Variants in ABCG5 observed in about 807,000 individuals in gnomAD.
ABCG5 encodes the protein ATP binding cassette subfamily G member 5.
In ABCG5, 64 loss-of-function variants were observed where a neutral mutation model predicts 64.5. That is an observed-to-expected ratio of 0.99 (90% CI 0.81 to 1.22). ABCG5 has a LOEUF of 1.22. Among genes scored for constraint, ABCG5 ranks in the 50% most tolerant of loss-of-function variants. The pLI, the probability that ABCG5 is intolerant of heterozygous loss-of-function variation, is 0.00. For synonymous variants in ABCG5, 385 were observed against 326.3 expected (o/e 1.18, Z -1.94); for missense variants, 908 against 829.5 (o/e 1.09, Z -1.16).
At chr2:43,834,195 G>A (rs569689041) in intron 2 of ABCG5, among the ~76,000 whole-genome samples, 65 of 152,350 alleles carry the variant, frequency 4.3e-4, no homozygotes, top group Middle Eastern at 3.4e-3. Context: ...CTTTCAAAAT[G>A]TGCCCTGTAA....
Position 43,837,961 on chromosome 2 carries a change from A to G in ABCG5, c.144-6T>C, listed in dbSNP as rs1198287775. 1 of 1,613,780 alleles carries G rather than the reference A, an allele frequency of 6.2e-7. No individual in the cohort carries two copies. Among genetic ancestry groups the G allele is most frequent in the Non-Finnish European group, 8.5e-7 (1 of 1,179,794 alleles). ...ACCAGGGCCTCACGCGGTGGCTTTA[A>G]AGGAAACCCCAGGAAGGCAAAGGCA... On this transcript the variant is annotated splice_region_variant and splice_polypyrimidine_tract_variant and intron_variant, in intron 1 of 12. Coordinates refer to ENST00000405322, the MANE Select transcript of ABCG5 (RefSeq NM_022436.3).
At chr2:43,826,794 C>G (rs1259448147) in intron 5 of ABCG5, among the ~76,000 whole-genome samples, 2 of 152,212 alleles carry the variant, frequency 1.3e-5, no homozygotes, top group Non-Finnish European at 2.9e-5. Flanking sequence ...CATCTGGGCT[C>G]TGCTCAGGGC....
chr2:43,827,399 T>A (rs1437696462), intron 5 of ABCG5, among the ~76,000 whole-genome samples: 1 of 151,644 alleles, frequency 6.6e-6, no homozygotes, highest in African/African-American at 2.4e-5. Context: ...CCAAGCACCA[T>A]TTGAAGAACA....
intron 11 of ABCG5, 73 bp downstream of exon 11, chr2:43,819,842 A>C: frequency 6.6e-7 from 1 of 1,506,216 alleles, no homozygotes; most frequent in South Asian, 1.1e-5. Flanking sequence ...GTATTCCTTT[A>C]CTTCAGTCAT....
chr2:43,827,926 G>T lies in ABCG5; in HGVS notation c.634+57C>A, dbSNP rs1044866452. On this transcript the variant is annotated intron_variant, in intron 5 of 12. Transcript: ENST00000405322. ...CGTGAAGAAAGGGCCCAAAGTATCT[G>T]CACACACACAGAAGATGCCCAGACA... 3 of 1,608,582 alleles carry T rather than the reference G, an allele frequency of 1.9e-6. No homozygotes were observed. The African/African-American group carries it at 4.0e-5, about 21-fold the overall frequency.
chr2:43,819,443 G>A (rs1667045328), intron 11 of ABCG5, among the ~76,000 whole-genome samples: 1 of 150,504 alleles, frequency 6.6e-6, no homozygotes, highest in Non-Finnish European at 1.5e-5. Context: ...TATCCTTTAA[G>A]CCTTGATACT....
Position 43,838,271 on chromosome 2 carries a change from G to C in ABCG5, c.143+266C>G. ...CAGTACCCCCATTCCCATCCACAGA[G>C]GGCAGGCCGTAGACACTGGGTTGGC... On this transcript the variant is annotated intron_variant, in intron 1 of 12. Transcript: ENST00000405322. This position sits in a 1 kb window ranked among gnomAD's most constrained non-coding sequence, Gnocchi z 4.2. The C allele has an allele frequency of 1.7e-6, 1 of 596,800 alleles. No homozygotes were observed. The highest frequency in any genetic ancestry group is 2.8e-5 in the East Asian group (1 of 35,476). The allele number at this position is 596,800 out of a possible 1,614,324, so 37.0% of individuals were successfully genotyped here. A position where few individuals can be genotyped will look rare whatever the true frequency, so the allele number is the denominator to read the frequency against.
chr2:43,814,735 C>G, intron 11 of ABCG5, 146 bp from the exon 12 acceptor site: 1 of 588,160 alleles, frequency 1.7e-6, no homozygotes, highest in Non-Finnish European at 3.0e-6. Flanking sequence ...ATAAAAAAAC[C>G]TTCAAACAAC....
chr2:43,831,877 A>C lies in ABCG5; in HGVS notation c.403-10T>G, dbSNP rs1369944518. 6.5e-7 allele frequency: 1 copy of C among 1,531,420 alleles called. No homozygotes were observed. The highest frequency in any genetic ancestry group is 8.8e-7 in the Non-Finnish European group (1 of 1,139,150). The allele number at this position is 1,531,420 out of a possible 1,614,324, so 94.9% of individuals were successfully genotyped here. A position where few individuals can be genotyped will look rare whatever the true frequency, so the allele number is the denominator to read the frequency against. On this transcript the variant is annotated splice_polypyrimidine_tract_variant and intron_variant, in intron 3 of 12. Transcript: ENST00000405322. ...TCAGCAGGGTGTCGCTCTGCAGGAG[A>C]CTCGGGCGTCAGTGTAGCCTAAGCC...
In ABCG5 at chr2:43,822,892, G is replaced by A; in HGVS notation, c.1368C>T (p.Gly456=). 3.7e-6 allele frequency: 6 copies of A among 1,614,112 alleles called. No individual in the cohort carries two copies. The South Asian group carries it at 4.4e-5, about 12-fold the overall frequency. Residue 456 remains glycine, a synonymous_variant, in exon 10 of 13, where the codon GGC becomes GGT. Transcript: ENST00000405322. ...RAVSDQESQD[G]LYQKWQMMLA... ...GCATCATCTGCCACTTCTGGTAGAG[G>A]CCGTCCTGACTCTCCTGGTCGCTGA...
upstream of ABCG5, chr2:43,838,997 C>T (rs1419613572): frequency 2.0e-6 from 3 of 1,514,616 alleles, no homozygotes; most frequent in Non-Finnish European, 2.7e-6. This position sits in a 1 kb window ranked among gnomAD's most constrained non-coding sequence, Gnocchi z 4.2. Context: ...CTGGCCCTGG[C>T]AGGCAGCAGC....
chr2:43,821,613 A>C (rs951109066), intron 10 of ABCG5, among the ~76,000 whole-genome samples: 1 of 152,150 alleles, frequency 6.6e-6, no homozygotes, highest in Non-Finnish European at 1.5e-5. Flanking sequence ...AAGCAATGGA[A>C]GGTGTGCTGG....
rs970374372 is a variant in ABCG5, at chr2:43,812,940, C to T, written c.*176G>A. 3 of 617,516 alleles carry T rather than the reference C, an allele frequency of 4.9e-6. No homozygotes were observed. The highest frequency in any genetic ancestry group is 8.7e-6 in the Non-Finnish European group (3 of 344,278). 38.3% of individuals were successfully genotyped at this position (617,516 alleles called of 1,614,324 possible). A position where few individuals can be genotyped will look rare whatever the true frequency, so the allele number is the denominator to read the frequency against. On this transcript the variant is annotated 3_prime_UTR_variant, in exon 13 of 13. Coordinates refer to ENST00000405322, the MANE Select transcript of ABCG5 (RefSeq NM_022436.3). ...GTTGTAAGAGCAAGGGACTATAAAC[C>T]ACTTCCATTGCATTCAAGGCCTGCT... is the stretch of plus-strand genomic sequence containing the variant.
chr2:43,833,599 T>C (rs1330340324), intron 2 of ABCG5, among the ~76,000 whole-genome samples: 1 of 152,012 alleles, frequency 6.6e-6, no homozygotes, highest in African/African-American at 2.4e-5. Flanking sequence ...TTAGCCAGGA[T>C]GGTCACAATC....
intron 11 of ABCG5, among the ~76,000 whole-genome samples, chr2:43,819,260 T>C (rs1383645451): frequency 6.6e-6 from 1 of 152,162 alleles, no homozygotes; most frequent in Non-Finnish European, 1.5e-5. Flanking sequence ...CTGCCCTTTT[T>C]GCTGCTGCTT....
In ABCG5 at chr2:43,822,937, T is replaced by C. The variant is rs1241774005; in HGVS notation, c.1325-2A>G. ...CGCTGACAGCTCGCAGCACGGGAAC[T>C]GGGGATGGAAGGCAGGTTTCAGAAC... On this transcript the variant is annotated splice_acceptor_variant, in intron 9 of 12. Transcript: ENST00000405322. LOFTEE classifies it high-confidence loss of function. 3.7e-6 allele frequency: 6 copies of C among 1,613,796 alleles called. No homozygotes were observed. Among genetic ancestry groups the C allele is most frequent in the Non-Finnish European group, 5.1e-6 (6 of 1,179,894 alleles).
In ABCG5 at chr2:43,814,669, T is replaced by C. The variant is rs575127146; in HGVS notation, c.1650-80A>G. 87 of 833,398 alleles carry C rather than the reference T, an allele frequency of 1.0e-4. No individual in the cohort carries two copies. In the East Asian group the frequency reaches 2.1e-3, roughly 20 times the overall value. The allele number at this position is 833,398 out of a possible 1,614,324, so 51.6% of individuals were successfully genotyped here. On this transcript the variant is annotated intron_variant, in intron 11 of 12. Transcript: ENST00000405322. Reference sequence around the variant, plus strand: ...CAAATGAAAAGAAAGGCAATCCTTATATTTTCCAACAGGAATATAGTTTTC... The same window carrying C: ...CAAATGAAAAGAAAGGCAATCCTTACATTTTCCAACAGGAATATAGTTTTC...
chr2:43,813,038 G>A lies in ABCG5; in HGVS notation c.*78C>T. The A allele has an allele frequency of 1.3e-6, 1 of 747,950 alleles. No homozygotes were observed. The highest frequency in any genetic ancestry group is 2.5e-6 in the Non-Finnish European group (1 of 402,854). 46.3% of individuals were successfully genotyped at this position (747,950 alleles called of 1,614,324 possible). On this transcript the variant is annotated 3_prime_UTR_variant, in exon 13 of 13. Transcript: ENST00000405322. Reference sequence around the variant, plus strand: ...ATGTCCTGTCAAGAAAGAAATACATGGCACTCTCATTTCAGACGTTCAGAG... The same window carrying A: ...ATGTCCTGTCAAGAAAGAAATACATAGCACTCTCATTTCAGACGTTCAGAG...
intron 10 of ABCG5, chr2:43,822,476 A>AGCC (rs1553369619): frequency 3.3e-6 from 1 of 298,512 alleles, no homozygotes; most frequent in Non-Finnish European, 4.3e-6. Flanking sequence ...CCCCTCCCCC[A>AGCC]GGCCCCCCCC....
Sources: gnomAD v4.1 joint callset for allele counts (sites outside exome capture counted in the v4.1 genomes callset) on GRCh38, gnomAD v4.1.1 for gene constraint, Gnocchi (gnomAD v3.1) non-coding constraint, MANE v1.5 for transcripts, NCBI Gene and HGNC (gene_info 2026-07-23, HGNC 2026-07-21) for gene names.